Variants in CGN observed in about 807,000 individuals in gnomAD.
The protein encoded by CGN is cingulin.
CGN carries 121 observed loss-of-function variants against 157.1 expected under a neutral mutation model. The observed-to-expected ratio is 0.77, with a 90% CI of 0.66 to 0.90. The LOEUF is 0.90. Ranked by LOEUF, CGN falls within the 40% of genes least tolerant of loss-of-function variation. CGN has a pLI of 0.00. For missense variants in CGN, 1,424 were observed against 1,520.9 expected, an observed-to-expected ratio of 0.94 and a Z score of 1.06; for synonymous variants, 535 against 607.5, an observed-to-expected ratio of 0.88 and a Z score of 1.76.
intron 10 of CGN, among the ~76,000 whole-genome samples, chr1:151,528,915 G>A (rs766648328): frequency 6.6e-6 from 1 of 152,088 alleles, no homozygotes; most frequent in South Asian, 2.1e-4. Flanking sequence ...GGGCCTTAAG[G>A]GTCTGGCTTC....
In CGN at chr1:151,526,988, C is replaced by T. The variant is rs548839520; in HGVS notation, c.1777C>T (p.Arg593Ter). ...TGCCTGGCTCAGACTCCTGCAGCTG[C>T]GAATGGAGAAGGAGGAGATGGAAGA... The part of the protein sequence containing the change: ...RATKQELLQL[R>*]MEKEEMEEEL... Residue 593 changes from arginine to a stop codon, truncating the protein, a stop_gained, in exon 10 of 21, where the codon CGA becomes TGA. Coordinates refer to ENST00000271636, the MANE Select transcript of CGN (RefSeq NM_020770.3). LOFTEE classifies it high-confidence loss of function. 1.5e-5 allele frequency: 25 copies of T among 1,613,972 alleles called. No individual in the cohort carries two copies. The highest frequency in any genetic ancestry group is 1.1e-4 in the South Asian group (10 of 91,068).
intron 1 of CGN, among the ~76,000 whole-genome samples, chr1:151,513,879 A>G (rs964241727): frequency 6.6e-6 from 1 of 152,216 alleles, no homozygotes; most frequent in African/African-American, 2.4e-5. Flanking sequence ...CCTGGAGTAC[A>G]GTTGGTGAGG....
rs1382535252 is a variant in CGN at position 151,535,845 on chromosome 1, T to G, written c.3144T>G (p.Ser1048=). ...EGFQKPSASL[S]QLESQNQLLQ... is the part of the protein sequence containing the mutation. The stretch of plus-strand genomic sequence containing the variant: ...TCCAGAAGCCTAGTGCCAGCCTCTC[T>G]CAGCTTGAGTCCCAGAATCAGTTGT... Residue 1048 remains serine (S), a synonymous_variant, in exon 18 of 21, where the codon TCT becomes TCG. Coordinates refer to ENST00000271636, the MANE Select transcript of CGN (RefSeq NM_020770.3). 2.5e-6 allele frequency: 4 copies of G among 1,614,116 alleles called. No individual in the cohort carries two copies. The highest frequency in any genetic ancestry group is 3.4e-6 in the Non-Finnish European group (4 of 1,180,014).
intron 5 of CGN, among the ~76,000 whole-genome samples, 190 bp downstream of exon 5, chr1:151,520,881 A>C (rs1464412673): frequency 2.0e-5 from 3 of 152,234 alleles, no homozygotes; most frequent in African/African-American, 7.2e-5. Context: ...GAGGCAGAGC[A>C]CATTAGGAAT....
intron 20 of CGN, 103 bp from the exon 21 acceptor site, chr1:151,537,102 C>A (rs1664985188): frequency 2.2e-6 from 3 of 1,379,254 alleles, no homozygotes; most frequent in Non-Finnish European, 3.0e-6. Context: ...TGTGAATAAA[C>A]TTTAGGCCTT....
chr1:151,534,241 G>A, intron 15 of CGN, 105 bp downstream of exon 15: 1 of 1,102,560 alleles, frequency 9.1e-7, no homozygotes, highest in Non-Finnish European at 1.3e-6. Context: ...GTTTTGTTTG[G>A]CTGCAGTATT....
intron 1 of CGN, among the ~76,000 whole-genome samples, chr1:151,517,767 C>G (rs1036232297): frequency 1.3e-5 from 2 of 152,148 alleles, no homozygotes; most frequent in African/African-American, 4.8e-5. Flanking sequence ...CTGCCTCAGC[C>G]TCCCAAAGTG....
intron 1 of CGN, among the ~76,000 whole-genome samples, chr1:151,516,759 C>G (rs532199538): frequency 6.7e-6 from 1 of 148,318 alleles, no homozygotes; most frequent in African/African-American, 2.5e-5. Flanking sequence ...TCAGGCTGGT[C>G]TCAAACTCCT....
chr1:151,524,589 G>A lies in CGN; in HGVS notation c.1402-85G>A, dbSNP rs1382464237. On this transcript the variant is annotated intron_variant, in intron 7 of 20. Transcript: ENST00000271636. This position sits in a 1 kb window ranked among gnomAD's most constrained non-coding sequence, Gnocchi z 4.4. Reference sequence around the variant, plus strand: ...GAGCACCTGGTACTGTGCCTAATACGATAAATATTTTTTGACTCAGTGAAT... The same window carrying A: ...GAGCACCTGGTACTGTGCCTAATACAATAAATATTTTTTGACTCAGTGAAT... 3 of 1,296,142 alleles carry A rather than the reference G, an allele frequency of 2.3e-6. No homozygotes were observed. The highest frequency in any genetic ancestry group is 1.5e-5 in the African/African-American group (1 of 66,798). The allele number at this position is 1,296,142 out of a possible 1,614,324, so 80.3% of individuals were successfully genotyped here. A position where few individuals can be genotyped will look rare whatever the true frequency, so the allele number is the denominator to read the frequency against.
At chr1:151,536,680 G>A in intron 19 of CGN, 50 bp from the exon 20 acceptor site, 1 of 1,590,022 alleles carries the variant, frequency 6.3e-7, no homozygotes, top group Non-Finnish European at 8.6e-7. Context: ...AGGGTCCCAG[G>A]CCATGGTAGT....
chr1:151,513,950 G>A (rs1442283740), intron 1 of CGN, among the ~76,000 whole-genome samples: 1 of 152,062 alleles, frequency 6.6e-6, no homozygotes, highest in Admixed American at 6.5e-5. Flanking sequence ...GAGGGCGCAG[G>A]CCCTGGACTC....
At chr1:151,530,309 T>A (rs910347742) in intron 12 of CGN, among the ~76,000 whole-genome samples, 180 bp from the exon 13 acceptor site, 2 of 152,204 alleles carry the variant, frequency 1.3e-5, no homozygotes, top group Admixed American at 1.3e-4. Context: ...CTGGTAGTTT[T>A]GTTTCTTATT....
rs370334831 is a variant in CGN, at chr1:151,530,576, C to T, written c.2401C>T (p.Arg801Cys). The change falls in exon 13 of 21, where the codon CGC becomes TGC. Residue 801 changes from arginine (R) to cysteine (C), a missense_variant. This residue lies in a region of CGN where 1,187 missense variants were observed against 1,217.6 expected (regional missense o/e 0.97). Transcript: ENST00000271636. ...LAAAKRALEA[R>C]LEEAQRGLAR... The stretch of plus-strand genomic sequence containing the variant: ...AGCAGCCAAGCGGGCACTGGAGGCA[C>T]GCCTAGAGGAGGCTCAGCGGGGGCT... 20 of 1,610,302 alleles carry T rather than the reference C, an allele frequency of 1.2e-5. No individual in the cohort carries two copies. Among genetic ancestry groups the T allele is most frequent in the South Asian group, 1.2e-4 (11 of 90,574 alleles).
At chr1:151,527,806 T>TAC (rs1483680385) in intron 10 of CGN, 5 of 57,968 alleles carry the variant, frequency 8.6e-5, no homozygotes, top group Admixed American at 5.7e-4. Context: ...ATTTTGGTTT[T>TAC]ATACACACAC....
chr1:151,522,566 C>G (rs59433746), intron 5 of CGN, among the ~76,000 whole-genome samples: 4,169 of 151,884 alleles, frequency 0.027, 192 homozygotes, highest in African/African-American at 0.096. Context: ...GCAGAGGTTG[C>G]CATGAGCCGA....
Position 151,530,508 on chromosome 1 carries a change from A to AG in CGN, c.2335dup (p.Glu779GlyfsTer61), listed in dbSNP as rs1664809112. On this transcript the variant is annotated frameshift_variant, in exon 13 of 21. Transcript: ENST00000271636. LOFTEE classifies it high-confidence loss of function. ...TCCCAGGCAGAGAAACAGCAGCTGG[A>AG]GGAGGCCCTGAATGCGTCCCAGGAA... 6.3e-7 allele frequency: 1 copy of AG among 1,592,538 alleles called. No individual in the cohort carries two copies. The highest frequency in any genetic ancestry group is 8.5e-7 in the Non-Finnish European group (1 of 1,174,476).
intron 9 of CGN, among the ~76,000 whole-genome samples, chr1:151,526,092 C>T (rs1207979322): frequency 6.6e-6 from 1 of 151,174 alleles, no homozygotes; most frequent in Non-Finnish European, 1.5e-5. Context: ...AGGCCAGTCT[C>T]GAACTCCTGA....
chr1:151,510,754 G>A (rs1028846735), upstream of CGN, among the ~76,000 whole-genome samples: 1 of 152,136 alleles, frequency 6.6e-6, no homozygotes, highest in African/African-American at 2.4e-5. Flanking sequence ...AGGACGGGAG[G>A]CAAAATGATG....
intron 15 of CGN, 121 bp downstream of exon 15, chr1:151,534,257 C>T (rs1664909972): frequency 1.0e-6 from 1 of 967,152 alleles, no homozygotes; most frequent in Non-Finnish European, 1.5e-6. Flanking sequence ...GTATTTTCAA[C>T]AACTTTGAAT....
Sources: allele counts gnomAD v4.1 joint callset (sites outside exome capture counted in the v4.1 genomes callset), GRCh38; gene constraint gnomAD v4.1.1; regional missense constraint gnomAD v4.1.1; non-coding constraint Gnocchi (gnomAD v3.1); transcripts MANE v1.5; gene names NCBI Gene and HGNC (gene_info 2026-07-23, HGNC 2026-07-21).